The following PLOD1 variants were observed in gnomAD, a reference collection of about 807,000 sequenced individuals.
PLOD1 encodes the protein lysine hydroxylase.
A neutral mutation model predicts 94.7 loss-of-function variants in PLOD1; 70 were observed. The observed-to-expected ratio is 0.74, with a 90% CI of 0.61 to 0.90. The LOEUF (loss-of-function observed/expected upper bound fraction) is 0.90. Ranked by LOEUF, PLOD1 falls within the 40% of genes least tolerant of loss-of-function variation. The probability of loss-of-function intolerance (pLI) is 0.00; values close to 1 mark genes in which losing one functional copy is unlikely to be tolerated. For missense variants in PLOD1, 905 were observed against 972.7 expected (o/e 0.93, Z 0.93); for synonymous variants, 417 against 400.2 (o/e 1.04, Z -0.50).
Position 11,957,802 on chromosome 1 carries a change from G to A in PLOD1, c.742-40G>A. ...TGTGAGTCAGGGCTATGGCAGGTGG[G>A]GCTGGCTGGCTTCTCTGTGACCCCA... On this transcript the variant is annotated intron_variant, in intron 7 of 18. Coordinates refer to ENST00000196061, the MANE Select transcript of PLOD1 (RefSeq NM_000302.4). The surrounding 1 kb of genome is among the most constrained non-coding windows in gnomAD (Gnocchi z 4.1). 3 of 1,407,280 alleles carry A rather than the reference G, an allele frequency of 2.1e-6. 1 individual carries two copies. Among genetic ancestry groups the A allele is most frequent in the Non-Finnish European group, 1.0e-6 (1 of 991,128 alleles). 87.2% of individuals were successfully genotyped at this position (1,407,280 alleles called of 1,614,324 possible).
At chr1:11,940,757 A>G (rs1210974773) in intron 1 of PLOD1, among the ~76,000 whole-genome samples, 1 of 152,230 alleles carries the variant, frequency 6.6e-6, no homozygotes, top group Non-Finnish European at 1.5e-5. Flanking sequence ...TGGACCAGAC[A>G]GAAAGCAGAT....
In PLOD1 at chr1:11,965,549, A is replaced by T; in HGVS notation, c.1540A>T (p.Thr514Ser). Residue 514 changes from threonine to serine, a missense_variant, in exon 14 of 19, where the codon ACC becomes TCC. Transcript: ENST00000196061. ...GCTCTCCCTAGACAGCTACCGCACCACCCACCTGCACAACGACCTCTGGGA... is the reference window on the plus strand; with the variant it reads ...GCTCTCCCTAGACAGCTACCGCACCTCCCACCTGCACAACGACCTCTGGGA... ...HLLSLDSYRT[T>S]HLHNDLWEVF... 6.2e-7 allele frequency: 1 copy of T among 1,613,552 alleles called. No homozygotes were observed. Among genetic ancestry groups the T allele is most frequent in the Non-Finnish European group, 8.5e-7 (1 of 1,179,828 alleles).
chr1:11,948,448 T>G (rs933580071), intron 2 of PLOD1, among the ~76,000 whole-genome samples: 4 of 152,096 alleles, frequency 2.6e-5, no homozygotes, highest in African/African-American at 9.7e-5. Flanking sequence ...TAAAGAAACA[T>G]GAGTGGTCCC....
chr1:11,973,031 C>T, intron 18 of PLOD1, 34 bp downstream of exon 18: 1 of 1,612,654 alleles, frequency 6.2e-7, no homozygotes. Flanking sequence ...AAGGGGCCGG[C>T]AATGGGGATG....
chr1:11,939,607 A>ATTCTTT (rs1210240327), intron 1 of PLOD1, among the ~76,000 whole-genome samples: 1 of 151,930 alleles, frequency 6.6e-6, no homozygotes, highest in Admixed American at 6.6e-5. Context: ...TCTCCACATC[A>ATTCTTT]TTCTTTTTCT....
chr1:11,974,349 G>T (rs552497679), intron 18 of PLOD1, among the ~76,000 whole-genome samples: 1 of 152,162 alleles, frequency 6.6e-6, no homozygotes, highest in South Asian at 2.1e-4. Context: ...CACCCAGCTG[G>T]TTTTTGTATT....
At chr1:11,949,199 C>T (rs1030614333) in intron 2 of PLOD1, among the ~76,000 whole-genome samples, 1 of 152,038 alleles carries the variant, frequency 6.6e-6, no homozygotes, top group Non-Finnish European at 1.5e-5. Flanking sequence ...GCAGACTGTT[C>T]TGTTTTTCAC....
At chr1:11,951,912 T>C (rs893561768) in intron 4 of PLOD1, among the ~76,000 whole-genome samples, 1 of 151,262 alleles carries the variant, frequency 6.6e-6, no homozygotes, top group Non-Finnish European at 1.5e-5. Context: ...GAGCGAGACA[T>C]TGTCTTAAAA....
chr1:11,950,600 G>A (rs1452452721), intron 4 of PLOD1, 80 bp downstream of exon 4: 14 of 1,312,960 alleles, frequency 1.1e-5, no homozygotes, highest in South Asian at 3.6e-5. Flanking sequence ...CTTGTTTGAC[G>A]TGCAATCTGG....
chr1:11,936,240 CTCTT>C (rs1207307033), intron 1 of PLOD1, among the ~76,000 whole-genome samples: 1 of 152,076 alleles, frequency 6.6e-6, no homozygotes, highest in East Asian at 1.9e-4. Flanking sequence ...CAGTCTAGCG[CTCTT>C]TCTACTTCCT....
rs767068264 is a variant in PLOD1 at position 11,958,510 on chromosome 1, G to T, written c.844-6G>T. ...CTGGACTCTTGTGCCGCCCTCCCTG[G>T]TGCAGGATGAAGCTCTGCCCACGGT... On this transcript the variant is annotated splice_polypyrimidine_tract_variant and splice_region_variant and intron_variant, in intron 8 of 18. Coordinates refer to ENST00000196061, the MANE Select transcript of PLOD1 (RefSeq NM_000302.4). This position sits in a 1 kb window ranked among gnomAD's most constrained non-coding sequence, Gnocchi z 4.3. The T allele has an allele frequency of 3.1e-6, 5 of 1,613,456 alleles. No individual in the cohort carries two copies. In the East Asian group the frequency reaches 1.1e-4, roughly 36 times the overall value.
At chr1:11,944,931 C>T (rs1230859540) in intron 1 of PLOD1, among the ~76,000 whole-genome samples, 1 of 152,208 alleles carries the variant, frequency 6.6e-6, no homozygotes, top group Non-Finnish European at 1.5e-5. Context: ...GTCAATCTGG[C>T]CACCAGGTGA....
chr1:11,975,027 A>G lies in PLOD1; in HGVS notation c.*219A>G. 1 of 614,478 alleles carries G rather than the reference A, an allele frequency of 1.6e-6. No homozygotes were observed. The highest frequency in any genetic ancestry group is 1.8e-5 in the African/African-American group (1 of 54,152). The allele number at this position is 614,478 out of a possible 1,614,324, so 38.1% of individuals were successfully genotyped here. On this transcript the variant is annotated 3_prime_UTR_variant, in exon 19 of 19. Coordinates refer to ENST00000196061, the MANE Select transcript of PLOD1 (RefSeq NM_000302.4). ...GGGCTCTCCGTGGTGTTCTGGACCC[A>G]GCCCCTGGAGACACCATTCACTTTT...
chr1:11,966,886 C>T, intron 15 of PLOD1, 101 bp from the exon 16 acceptor site: 1 of 804,212 alleles, frequency 1.2e-6, no homozygotes, highest in Admixed American at 1.7e-5. Context: ...TCCCCGGGGA[C>T]ACTGGGAGGG....
rs572415958 is a variant in PLOD1, at chr1:11,942,381, A to G, written c.77-5595A>G. Among the ~76,000 whole-genome samples the G allele has an allele frequency of 2.0e-5, 3 of 152,290 alleles. No homozygotes were observed. The East Asian group carries it at 5.8e-4, about 29-fold the overall frequency. ...TGAGGGAGAGGGAGACCAAGGAAAT[A>G]AAGATGTGGCCCTGGCCTGGCAGAG... On this transcript the variant is annotated intron_variant, in intron 1 of 18. Coordinates refer to ENST00000196061, the MANE Select transcript of PLOD1 (RefSeq NM_000302.4).
chr1:11,958,713 G>T lies in PLOD1; in HGVS notation c.975+66G>T. The T allele has an allele frequency of 6.3e-7, 1 of 1,592,836 alleles. No individual in the cohort carries two copies. On this transcript the variant is annotated intron_variant, in intron 9 of 18. Coordinates refer to ENST00000196061, the MANE Select transcript of PLOD1 (RefSeq NM_000302.4). This position sits in a 1 kb window ranked among gnomAD's most constrained non-coding sequence, Gnocchi z 4.3. ...ATCCAGGGCCCAGCTTCACAAGGTAGCCCGAGACCTCTGAGGGTCTCACCG... is the reference window on the plus strand; with the variant it reads ...ATCCAGGGCCCAGCTTCACAAGGTATCCCGAGACCTCTGAGGGTCTCACCG...
At position 11,974,817 on chromosome 1, in the gene PLOD1, G is replaced by T; in HGVS notation, c.*9G>T. 1.9e-6 allele frequency: 3 copies of T among 1,614,042 alleles called. No individual in the cohort carries two copies. The highest frequency in any genetic ancestry group is 2.5e-6 in the Non-Finnish European group (3 of 1,179,928). ...CCTTCGTCGATCCCTAATTGGCCAG[G>T]CCTGACCCTCTTGGACCTTTCTTCT... On this transcript the variant is annotated 3_prime_UTR_variant, in exon 19 of 19. Transcript: ENST00000196061.
chr1:11,958,673 C>G lies in PLOD1; in HGVS notation c.975+26C>G, dbSNP rs181762591. 1 of 1,613,508 alleles carries G rather than the reference C, an allele frequency of 6.2e-7. No homozygotes were observed. ...GTGAGTAACAGGCGCTCTGTGGGGT[C>G]GTCATGTGGCTTAGATCCAGGGCCC... is the stretch of plus-strand genomic sequence containing the variant. On this transcript the variant is annotated intron_variant, in intron 9 of 18. Transcript: ENST00000196061. The surrounding 1 kb of genome is among the most constrained non-coding windows in gnomAD (Gnocchi z 4.3).
At chr1:11,961,636 T>C (rs561484573) in intron 10 of PLOD1, among the ~76,000 whole-genome samples, 1 of 152,256 alleles carries the variant, frequency 6.6e-6, no homozygotes, top group South Asian at 2.1e-4. Flanking sequence ...TGAGACTTGG[T>C]GTCACTCTTG....
Sources: allele counts gnomAD v4.1 joint callset (sites outside exome capture counted in the v4.1 genomes callset), GRCh38; gene constraint gnomAD v4.1.1; non-coding constraint Gnocchi (gnomAD v3.1); transcripts MANE v1.5; gene names NCBI Gene and HGNC (gene_info 2026-07-23, HGNC 2026-07-21).